Variants in HLCS observed in about 807,000 individuals in gnomAD.
The protein encoded by HLCS is biotin--protein ligase.
HLCS carries 53 observed loss-of-function variants against 75.0 expected under a neutral mutation model. That is an observed-to-expected ratio of 0.71 (90% CI 0.57 to 0.89). The LOEUF is 0.89. Among genes scored for constraint, HLCS ranks in the 40% least tolerant of loss-of-function variants. The pLI is 0.00. For missense variants in HLCS, 966 were observed against 1,074.0 expected, an observed-to-expected ratio of 0.90 and a Z score of 1.41; for synonymous variants, 431 against 428.6, an observed-to-expected ratio of 1.01 and a Z score of -0.07.
At chr21:36,989,364 T>C (rs1172602318) in intron 1 of HLCS, among the ~76,000 whole-genome samples, 4 of 137,734 alleles carry the variant, frequency 2.9e-5, no homozygotes, top group African/African-American at 1.1e-4. Flanking sequence ...GCTCTTGTCG[T>C]CCAGGCTGGA....
Position 36,857,740 on chromosome 21 carries a change from C to T in HLCS, c.1892+39120G>A, listed in dbSNP as rs527732004. Among the ~76,000 whole-genome samples, 6 of 152,164 alleles carry T rather than the reference C, an allele frequency of 3.9e-5. No individual in the cohort carries two copies. In the South Asian group the frequency reaches 1.2e-3, roughly 32 times the overall value. On this transcript the variant is annotated intron_variant, in intron 6 of 10. Coordinates refer to ENST00000674895, the MANE Select transcript of HLCS (RefSeq NM_001352514.2). ...GTGATCCTGTTTTCCCCATAAAAGC[C>T]CAGTTTTTAGCTGGCCATCATTTAA...
intron 6 of HLCS, among the ~76,000 whole-genome samples, chr21:36,871,512 C>A (rs1218127148): frequency 6.6e-6 from 1 of 152,128 alleles, no homozygotes; most frequent in African/African-American, 2.4e-5. Context: ...CATGACACAT[C>A]CATGCAACAA....
At chr21:36,922,855 G>C (rs2066233052) in intron 5 of HLCS, among the ~76,000 whole-genome samples, 1 of 152,218 alleles carries the variant, frequency 6.6e-6, no homozygotes. Flanking sequence ...CAAATCTCCA[G>C]GCGGCATTCT....
At chr21:36,851,916 TG>T (rs1180893482) in intron 6 of HLCS, 1 of 152,284 alleles carries the variant, frequency 6.6e-6, no homozygotes, top group African/African-American at 2.4e-5. Context: ...CAGTAGTCTA[TG>T]GCCGTAAGAG....
intron 6 of HLCS, among the ~76,000 whole-genome samples, chr21:36,870,088 C>G (rs2063718407): frequency 6.6e-6 from 1 of 152,180 alleles, no homozygotes; most frequent in Non-Finnish European, 1.5e-5. Context: ...GCATGTTTTT[C>G]ATTTAAGAGA....
chr21:36,872,512 A>G (rs2063808592), intron 6 of HLCS, among the ~76,000 whole-genome samples: 2 of 152,202 alleles, frequency 1.3e-5, no homozygotes, highest in South Asian at 4.2e-4. Context: ...TGTGTACACC[A>G]CCGCCAATCC....
At chr21:36,761,621 G>A (rs796815275) in intron 8 of HLCS, among the ~76,000 whole-genome samples, 1 of 152,188 alleles carries the variant, frequency 6.6e-6, no homozygotes, top group East Asian at 1.9e-4. Context: ...AGTAGAGGCC[G>A]CAATGCTGAC....
intron 1 of HLCS, among the ~76,000 whole-genome samples, chr21:36,978,498 C>CAAAA (rs35614243): frequency 2.2e-5 from 3 of 138,720 alleles, no homozygotes; most frequent in Non-Finnish European, 3.1e-5. Context: ...CCACCTCAAA[C>CAAAA]AAAAAAAAAA....
intron 6 of HLCS, among the ~76,000 whole-genome samples, chr21:36,847,408 T>C (rs1000129663): frequency 2.0e-5 from 3 of 152,226 alleles, no homozygotes; most frequent in Non-Finnish European, 4.4e-5. Flanking sequence ...AGGAATTTCA[T>C]GGTGCCAGCA....
intron 6 of HLCS, among the ~76,000 whole-genome samples, chr21:36,768,782 G>C (rs2090131800): frequency 6.6e-6 from 1 of 152,260 alleles, no homozygotes; most frequent in Non-Finnish European, 1.5e-5. Context: ...CGAGTGTGCT[G>C]TATGCCACTG....
chr21:36,893,102 G>C (rs2064861532), intron 6 of HLCS, among the ~76,000 whole-genome samples: 1 of 151,978 alleles, frequency 6.6e-6, no homozygotes, highest in Admixed American at 6.6e-5. Context: ...TGGGAGTCTT[G>C]TTCGGTCACC....
intron 7 of HLCS, among the ~76,000 whole-genome samples, chr21:36,765,706 C>T (rs565507211): frequency 2.0e-5 from 3 of 152,216 alleles, no homozygotes; most frequent in Admixed American, 6.5e-5. Flanking sequence ...GAGTGCAGTG[C>T]GTGTGATCTC....
intron 5 of HLCS, among the ~76,000 whole-genome samples, chr21:36,912,914 G>A (rs1157203285): frequency 6.6e-6 from 1 of 152,158 alleles, no homozygotes; most frequent in Non-Finnish European, 1.5e-5. Context: ...GGACCTCTCA[G>A]AACAAAAGTC....
rs2089436087 is a variant in HLCS at position 36,753,290 on chromosome 21, A to C, written c.*956T>G. On this transcript the variant is annotated 3_prime_UTR_variant, in exon 11 of 11. Coordinates refer to ENST00000674895, the MANE Select transcript of HLCS (RefSeq NM_001352514.2). The surrounding 1 kb of genome is among the most constrained non-coding windows in gnomAD (Gnocchi z 4.3). Reference sequence around the variant, plus strand: ...CAAAAACTTATGACTTCTGAGTAAAATGCCATGTCTTCTATATTCCGTGAG... The same window carrying C: ...CAAAAACTTATGACTTCTGAGTAAACTGCCATGTCTTCTATATTCCGTGAG... 1 of 152,396 alleles carries C rather than the reference A, an allele frequency of 6.6e-6. No homozygotes were observed. The highest frequency in any genetic ancestry group is 6.5e-5 in the Admixed American group (1 of 15,292). 9.4% of individuals were successfully genotyped at this position (152,396 alleles called of 1,614,324 possible). A position where few individuals can be genotyped will look rare whatever the true frequency, so the allele number is the denominator to read the frequency against.
chr21:36,955,889 A>G (rs1396536751), intron 2 of HLCS, among the ~76,000 whole-genome samples: 3 of 152,166 alleles, frequency 2.0e-5, no homozygotes, highest in Non-Finnish European at 4.4e-5. Flanking sequence ...CTATGTTTAG[A>G]TACACAAATA....
chr21:36,793,293 G>GTTTTTTTTTTTTTTTTTTTTTT (rs1569018321), intron 6 of HLCS, among the ~76,000 whole-genome samples: 1 of 108,496 alleles, frequency 9.2e-6, no homozygotes, highest in African/African-American at 3.3e-5. Flanking sequence ...GCAGGAAGCA[G>GTTTTTTTTTTTTTTTTTTTTTT]TCTTTTTTTT....
chr21:36,761,347 G>C (rs181178428), intron 8 of HLCS, among the ~76,000 whole-genome samples: 1 of 152,116 alleles, frequency 6.6e-6, no homozygotes, highest in Admixed American at 6.5e-5. Context: ...TTTTGACTTC[G>C]GCCCGTTAGA....
intron 6 of HLCS, among the ~76,000 whole-genome samples, chr21:36,841,560 C>T (rs2062615940): frequency 6.6e-6 from 1 of 152,202 alleles, no homozygotes; most frequent in Non-Finnish European, 1.5e-5. Flanking sequence ...GCTAGGGCTG[C>T]ACAACGTGGT....
upstream of HLCS, among the ~76,000 whole-genome samples, chr21:36,970,681 T>A (rs1372258663): frequency 6.6e-6 from 1 of 151,386 alleles, no homozygotes; most frequent in African/African-American, 2.4e-5. Flanking sequence ...GGATACTTTC[T>A]AAGAACCAAG....
Sources: gnomAD v4.1 joint callset for allele counts (sites outside exome capture counted in the v4.1 genomes callset) on GRCh38, gnomAD v4.1.1 for gene constraint, Gnocchi (gnomAD v3.1) non-coding constraint, MANE v1.5 for transcripts, NCBI Gene and HGNC (gene_info 2026-07-23, HGNC 2026-07-21) for gene names.